The following SLC35F4 variants were observed in gnomAD, a reference collection of about 807,000 sequenced individuals.
The protein encoded by SLC35F4 is solute carrier family 35 member F4, also known as chromosome 14 open reading frame 36.
In SLC35F4, 24 loss-of-function variants were observed where a neutral mutation model predicts 44.2. The ratio of observed to expected loss-of-function variants is 0.54; its 90% CI spans 0.39 to 0.76. The LOEUF is 0.76. SLC35F4 is among the 30% of genes least tolerant of loss of function. SLC35F4 has a pLI of 0.00. For synonymous variants in SLC35F4, 238 were observed against 223.6 expected (o/e 1.06, Z -0.57); for missense variants, 562 against 586.1 (o/e 0.96, Z 0.42).
chr14:57,659,525 G>C (rs969845551), intron 1 of SLC35F4, among the ~76,000 whole-genome samples: 5 of 152,048 alleles, frequency 3.3e-5, no homozygotes, highest in African/African-American at 1.2e-4. Context: ...GTACACAGAG[G>C]AATAGTTACT....
At chr14:57,882,433 C>T (rs1277616599) in intron 1 of SLC35F4, among the ~76,000 whole-genome samples, 1 of 152,190 alleles carries the variant, frequency 6.6e-6, no homozygotes, top group African/African-American at 2.4e-5. Context: ...TGTCTCATTT[C>T]ACTATGCCTT....
At chr14:57,774,900 C>A (rs765347629) in intron 1 of SLC35F4, among the ~76,000 whole-genome samples, 1 of 152,200 alleles carries the variant, frequency 6.6e-6, no homozygotes, top group African/African-American at 2.4e-5. Flanking sequence ...ATGTGCACCA[C>A]GACAAGCCAC....
intron 1 of SLC35F4, among the ~76,000 whole-genome samples, chr14:57,691,162 A>C (rs996485259): frequency 3.3e-5 from 5 of 152,180 alleles, no homozygotes; most frequent in African/African-American, 1.2e-4. Flanking sequence ...AGAAAAAAAG[A>C]AAGAAAGGGA....
intron 1 of SLC35F4, among the ~76,000 whole-genome samples, chr14:57,830,673 C>T (rs1041238084): frequency 2.0e-5 from 3 of 152,154 alleles, no homozygotes; most frequent in South Asian, 2.1e-4. Flanking sequence ...TTTCAGACCA[C>T]CTACCTTCAA....
At chr14:57,646,528 G>A (rs897956987) in intron 1 of SLC35F4, among the ~76,000 whole-genome samples, 1 of 151,452 alleles carries the variant, frequency 6.6e-6, no homozygotes, top group Non-Finnish European at 1.5e-5. Flanking sequence ...TTCTTTATTA[G>A]TTGCTAGCGG....
chr14:57,800,839 A>G (rs1203916564), intron 1 of SLC35F4, among the ~76,000 whole-genome samples: 1 of 152,168 alleles, frequency 6.6e-6, no homozygotes, highest in East Asian at 1.9e-4. Context: ...AAAAGGAATA[A>G]ACAAAATCTC....
chr14:57,749,427 G>T (rs2076832247), intron 1 of SLC35F4, among the ~76,000 whole-genome samples: 1 of 152,062 alleles, frequency 6.6e-6, no homozygotes, highest in Non-Finnish European at 1.5e-5. Flanking sequence ...ACAACGGCCA[G>T]TGCAGAATGC....
intron 1 of SLC35F4, 96 bp from the exon 2 acceptor site, chr14:57,594,220 C>T: frequency 8.4e-7 from 1 of 1,192,734 alleles, no homozygotes; most frequent in Non-Finnish European, 1.2e-6. Flanking sequence ...AACAGGGTCT[C>T]ACTCTGTCAC....
chr14:57,880,009 G>A (rs113946069), intron 1 of SLC35F4, among the ~76,000 whole-genome samples: 3 of 127,756 alleles, frequency 2.3e-5, no homozygotes, highest in African/African-American at 1.0e-4. Context: ...GAAAGAGAAG[G>A]GAAAGGAAAG....
intron 1 of SLC35F4, among the ~76,000 whole-genome samples, chr14:57,742,282 T>C (rs777956581): frequency 6.6e-5 from 10 of 152,150 alleles, no homozygotes; most frequent in Non-Finnish European, 1.2e-4. Context: ...GACTGGCAAA[T>C]TGGATAAAGA....
intron 1 of SLC35F4, among the ~76,000 whole-genome samples, chr14:57,944,825 G>A (rs1383657809): frequency 6.6e-6 from 1 of 152,148 alleles, no homozygotes; most frequent in Non-Finnish European, 1.5e-5. Flanking sequence ...GACAGAGCCA[G>A]GAAGGCCATG....
chr14:57,951,682 G>A (rs1048417246), intron 1 of SLC35F4, among the ~76,000 whole-genome samples: 1 of 152,144 alleles, frequency 6.6e-6, no homozygotes, highest in East Asian at 1.9e-4. Context: ...GTTCAGACTG[G>A]GCAGAGCCCA....
At chr14:57,573,737 T>C (rs1437956650) in intron 4 of SLC35F4, among the ~76,000 whole-genome samples, 1 of 152,208 alleles carries the variant, frequency 6.6e-6, no homozygotes, top group Non-Finnish European at 1.5e-5. Flanking sequence ...GATATTGGCA[T>C]ATCCTGATTT....
At chr14:57,932,575 G>A (rs940246041) in intron 1 of SLC35F4, among the ~76,000 whole-genome samples, 4 of 152,178 alleles carry the variant, frequency 2.6e-5, no homozygotes, top group African/African-American at 9.7e-5. Flanking sequence ...GGGACCAGGT[G>A]TGGTGTCTCA....
intron 1 of SLC35F4, among the ~76,000 whole-genome samples, chr14:57,612,041 G>A (rs144545433): frequency 2.9e-4 from 44 of 152,302 alleles, no homozygotes; most frequent in African/African-American, 1.0e-3. Context: ...TCCTCACTGT[G>A]GTGCAGAAAG....
At chr14:57,955,836 A>C (rs1361667786) in intron 1 of SLC35F4, among the ~76,000 whole-genome samples, 2 of 152,222 alleles carry the variant, frequency 1.3e-5, no homozygotes, top group Non-Finnish European at 2.9e-5. Flanking sequence ...GGATAGGAAG[A>C]ATCAATATCA....
chr14:57,609,478 A>G (rs978228953), intron 1 of SLC35F4, among the ~76,000 whole-genome samples: 5 of 152,148 alleles, frequency 3.3e-5, no homozygotes, highest in Admixed American at 6.5e-5. Flanking sequence ...ATATTAAAGT[A>G]TTTGTTCTGT....
chr14:57,850,598 T>G (rs1215237482), intron 1 of SLC35F4, among the ~76,000 whole-genome samples: 1 of 152,212 alleles, frequency 6.6e-6, no homozygotes, highest in Non-Finnish European at 1.5e-5. Flanking sequence ...TTTTCTTACT[T>G]TATGGATATA....
In SLC35F4 at chr14:57,582,685, T is replaced by A. The variant is rs539026870; in HGVS notation, c.588-1252A>T. On this transcript the variant is annotated intron_variant, in intron 3 of 7. Coordinates refer to ENST00000556826, the MANE Select transcript of SLC35F4 (RefSeq NM_001306087.2). ...AGTATTTATGGGGTAACTGTCATGC[T>A]CCAGGCATTGTATTTTCATGAGTAG... is the stretch of plus-strand genomic sequence containing the variant. Among the ~76,000 whole-genome samples the A allele has an allele frequency of 1.2e-4, 18 of 152,348 alleles. 1 individual carries two copies. The South Asian group carries it at 3.7e-3, about 32-fold the overall frequency.
Sources: allele counts gnomAD v4.1 joint callset (sites outside exome capture counted in the v4.1 genomes callset), GRCh38; gene constraint gnomAD v4.1.1; transcripts MANE v1.5; gene names NCBI Gene and HGNC (gene_info 2026-07-23, HGNC 2026-07-21).